Variants in NHSL1 observed in about 807,000 individuals in gnomAD.
The protein encoded by NHSL1 is NHS like 1, also known as NHS-like protein 1.
A neutral mutation model predicts 95.0 loss-of-function variants in NHSL1; 48 were observed. That is an observed-to-expected ratio of 0.51 (90% CI 0.40 to 0.64). The LOEUF is 0.64. NHSL1 is among the 30% of genes least tolerant of loss of function. The pLI is 0.00. For missense variants in NHSL1, 1,971 were observed against 2,077.7 expected (o/e 0.95, Z 1.00); for synonymous variants, 783 against 833.9 (o/e 0.94, Z 1.05).
At chr6:138,500,680 ATGATT>A (rs1562331045), upstream of NHSL1, among the ~76,000 whole-genome samples, 14 of 152,242 alleles carry the variant, frequency 9.2e-5, no homozygotes, top group African/African-American at 3.4e-4. Flanking sequence ...AAGCTTTGAA[ATGATT>A]CCTTCTCAGG....
At chr6:138,550,351 C>G (rs1782956014), upstream of NHSL1, among the ~76,000 whole-genome samples, 1 of 152,122 alleles carries the variant, frequency 6.6e-6, no homozygotes, top group South Asian at 2.1e-4. Context: ...AAGAACTATC[C>G]ATTGAAATTA....
chr6:138,657,814 C>CA (rs1051789759), intron 1 of NHSL1, among the ~76,000 whole-genome samples: 2,665 of 32,756 alleles, frequency 0.081, 196 homozygotes, highest in African/African-American at 0.09. Flanking sequence ...GACTCCATCT[C>CA]AAAAAAAAAA....
At chr6:138,454,994 A>G (rs996180868) in intron 3 of NHSL1, among the ~76,000 whole-genome samples, 6 of 152,242 alleles carry the variant, frequency 3.9e-5, no homozygotes, top group African/African-American at 1.4e-4. Context: ...CCCTGATTAT[A>G]GAGTAGTGGG....
chr6:138,670,070 G>A (rs556080365), intron 1 of NHSL1, among the ~76,000 whole-genome samples: 34 of 152,024 alleles, frequency 2.2e-4, no homozygotes, highest in Non-Finnish European at 4.1e-4. Flanking sequence ...GCAGTGAGCC[G>A]AAATCACGCC....
chr6:138,494,434 C>A (rs1780234726), intron 2 of NHSL1, among the ~76,000 whole-genome samples: 1 of 152,166 alleles, frequency 6.6e-6, no homozygotes, highest in African/African-American at 2.4e-5. Context: ...AATCATTGTG[C>A]TTCCATTTTT....
At chr6:138,458,495 C>A (rs1349541580) in intron 3 of NHSL1, among the ~76,000 whole-genome samples, 1 of 152,140 alleles carries the variant, frequency 6.6e-6, no homozygotes, top group East Asian at 1.9e-4. Context: ...GGGTTCGAGA[C>A]CAGCCTGGCC....
rs1379437448 is a variant in NHSL1, at chr6:138,437,319, T to TATAC, written c.665-3640_665-3639insGTAT. Among the ~76,000 whole-genome samples, 47 of 101,980 alleles carry TATAC rather than the reference T, an allele frequency of 4.6e-4. 2 individuals are homozygous for TATAC. The highest frequency in any genetic ancestry group is 4.4e-3 in the Admixed American group (43 of 9,696). The allele number at this position is 101,980 out of a possible 152,430, so 66.9% of individuals were successfully genotyped here. On this transcript the variant is annotated intron_variant, in intron 5 of 7. Coordinates refer to ENST00000343505, the MANE Select transcript of NHSL1 (RefSeq NM_001144060.2). ...ATGTATATATATATATATATATATA[T>TATAC]ACACACACACATATATATATATACA...
intron 1 of NHSL1, among the ~76,000 whole-genome samples, chr6:138,633,674 G>A (rs1265643088): frequency 6.6e-6 from 1 of 152,184 alleles, no homozygotes; most frequent in African/African-American, 2.4e-5. Flanking sequence ...TACAAGAAAT[G>A]CTAAAGGGAA....
intron 1 of NHSL1, among the ~76,000 whole-genome samples, chr6:138,653,861 T>C (rs1785123441): frequency 6.6e-6 from 1 of 152,262 alleles, no homozygotes; most frequent in Non-Finnish European, 1.5e-5. Flanking sequence ...TACTGTATGA[T>C]ACGCTCCAAT....
At chr6:138,686,576 A>G (rs541162451) in intron 1 of NHSL1, among the ~76,000 whole-genome samples, 1 of 152,328 alleles carries the variant, frequency 6.6e-6, no homozygotes, top group South Asian at 2.1e-4. Context: ...AAAACTTTTT[A>G]AATCCCTCAG....
In NHSL1 at chr6:138,424,169, T is replaced by C. The variant is rs903351736; in HGVS notation, c.4733A>G (p.Gln1578Arg). ...GEGPAASLQP[Q>R]APGPVDGTAS... ...TGTCCCATCCACAGGGCCGGGGGCC[T>C]GGGGCTGCAGGGAGGCGGCAGGCCC... Residue 1578 changes from glutamine to arginine, a missense_variant, in exon 8 of 8, where the codon CAG becomes CGG. This residue lies in a region of NHSL1 where 223 missense variants were observed against 217.0 expected (regional missense o/e 1.03). Coordinates refer to ENST00000343505, the MANE Select transcript of NHSL1 (RefSeq NM_001144060.2). This position sits in a 1 kb window ranked among gnomAD's most constrained non-coding sequence, Gnocchi z 5.9. The C allele has an allele frequency of 1.5e-5, 22 of 1,459,910 alleles. No individual in the cohort carries two copies. In the African/African-American group the frequency reaches 2.3e-4, roughly 15 times the overall value. The allele number at this position is 1,459,910 out of a possible 1,614,324, so 90.4% of individuals were successfully genotyped here. A position where few individuals can be genotyped will look rare whatever the true frequency, so the allele number is the denominator to read the frequency against.
intron 1 of NHSL1, among the ~76,000 whole-genome samples, chr6:138,608,588 A>G (rs1160077234): frequency 1.3e-5 from 2 of 152,222 alleles, no homozygotes; most frequent in Admixed American, 6.5e-5. Context: ...AGTTTGATAA[A>G]ACTTGTTATC....
chr6:138,467,011 G>A (rs1290576807), intron 3 of NHSL1, among the ~76,000 whole-genome samples: 1 of 151,882 alleles, frequency 6.6e-6, no homozygotes, highest in Non-Finnish European at 1.5e-5. Context: ...CGTGACAAGA[G>A]TGAAACTCCA....
At chr6:138,603,678 C>T (rs76836942) in intron 1 of NHSL1, among the ~76,000 whole-genome samples, 23 of 152,134 alleles carry the variant, frequency 1.5e-4, no homozygotes, top group Non-Finnish European at 2.5e-4. Context: ...TCCAAACTCC[C>T]CTTCTCGTAC....
intron 1 of NHSL1, among the ~76,000 whole-genome samples, chr6:138,510,837 G>T (rs2128300011): frequency 6.6e-6 from 1 of 152,286 alleles, no homozygotes; most frequent in South Asian, 2.1e-4. Context: ...ATTGTATGGA[G>T]ACATATTGTT....
At chr6:138,598,900 G>GTT (rs924962547) in intron 1 of NHSL1, among the ~76,000 whole-genome samples, 2 of 152,120 alleles carry the variant, frequency 1.3e-5, no homozygotes, top group Middle Eastern at 3.2e-3. Context: ...GGACTTACAT[G>GTT]TATTTCTCTT....
chr6:138,521,332 T>C (rs1781673515), intron 1 of NHSL1, among the ~76,000 whole-genome samples: 1 of 152,096 alleles, frequency 6.6e-6, no homozygotes, highest in South Asian at 2.1e-4. Context: ...TGGGACTGAT[T>C]GTGCACACCT....
chr6:138,441,731 A>G (rs1776535562), intron 5 of NHSL1, among the ~76,000 whole-genome samples: 1 of 152,212 alleles, frequency 6.6e-6, no homozygotes, highest in Non-Finnish European at 1.5e-5. Context: ...TATGAATTCT[A>G]TCATCCCAGT....
chr6:138,503,011 C>T (rs1780769072), upstream of NHSL1, among the ~76,000 whole-genome samples: 1 of 152,170 alleles, frequency 6.6e-6, no homozygotes, highest in Non-Finnish European at 1.5e-5. Flanking sequence ...CTTAAACTGC[C>T]AACACCTCGA....
Sources: allele counts gnomAD v4.1 joint callset (sites outside exome capture counted in the v4.1 genomes callset), GRCh38; gene constraint gnomAD v4.1.1; regional missense constraint gnomAD v4.1.1; non-coding constraint Gnocchi (gnomAD v3.1); transcripts MANE v1.5; gene names NCBI Gene and HGNC (gene_info 2026-07-23, HGNC 2026-07-21).